MCPH1: variants seen among roughly 807,000 people sequenced by gnomAD.
The protein encoded by MCPH1 is microcephalin.
A neutral mutation model predicts 84.5 loss-of-function variants in MCPH1; 104 were observed. The ratio of observed to expected loss-of-function variants is 1.23; its 90% CI spans 1.05 to 1.45. The LOEUF is 1.45. MCPH1 is among the 40% of genes most tolerant of loss of function. MCPH1 has a pLI of 0.00. For missense variants in MCPH1, 1,498 were observed against 1,005.7 expected, an observed-to-expected ratio of 1.49 and a Z score of -6.62; for synonymous variants, 514 against 366.8, an observed-to-expected ratio of 1.40 and a Z score of -4.58.
At chr8:6,446,959 G>C (rs1434269250) in intron 8 of MCPH1, 1 of 985,390 alleles carries the variant, frequency 1.0e-6, no homozygotes, top group African/African-American at 1.7e-5. Flanking sequence ...AAGGCACCCT[G>C]GTGGGGACGG....
rs542963208 is a variant in MCPH1, at chr8:6,502,976, C to T, written c.2214+3047C>T. ...GGCTCTAATCTGGAGCATGTGGGTC[C>T]CGTCAGCACCGAGCACACGCCCTCT... On this transcript the variant is annotated intron_variant, in intron 12 of 13. Transcript: ENST00000344683. 8 of 1,106,984 alleles carry T rather than the reference C, an allele frequency of 7.2e-6. No homozygotes were observed. The African/African-American group carries it at 9.5e-5, about 13-fold the overall frequency. The allele number at this position is 1,106,984 out of a possible 1,614,324, so 68.6% of individuals were successfully genotyped here.
At chr8:6,543,536 G>A (rs1004364982) in intron 12 of MCPH1, among the ~76,000 whole-genome samples, 6 of 152,154 alleles carry the variant, frequency 3.9e-5, no homozygotes, top group South Asian at 2.1e-4. Context: ...GAATAAACCC[G>A]CCCAAACCAT....
At chr8:6,488,025 T>A (rs147358467) in intron 11 of MCPH1, among the ~76,000 whole-genome samples, 4 of 152,242 alleles carry the variant, frequency 2.6e-5, no homozygotes, top group Non-Finnish European at 5.9e-5. Context: ...TTATACTTTT[T>A]CCTGATTAAA....
intron 3 of MCPH1, among the ~76,000 whole-genome samples, chr8:6,416,812 G>A (rs1349415677): frequency 9.4e-6 from 1 of 106,668 alleles, no homozygotes; most frequent in East Asian, 3.1e-4. Context: ...TGATCAATAT[G>A]GTAAAACCCT....
At chr8:6,642,688 G>C (rs1451022662) in intron 13 of MCPH1, 1 of 455,942 alleles carries the variant, frequency 2.2e-6, no homozygotes, top group East Asian at 4.5e-5. Flanking sequence ...AGACTGGCAA[G>C]CTTCCCACCC....
At chr8:6,416,886 C>T (rs761757479) in intron 3 of MCPH1, among the ~76,000 whole-genome samples, 35 of 151,824 alleles carry the variant, frequency 2.3e-4, no homozygotes, top group Non-Finnish European at 4.4e-4. Context: ...CCCAGCTACT[C>T]GGGAGATTGA....
At chr8:6,446,504 GT>G in intron 8 of MCPH1, 1 of 984,130 alleles carries the variant, frequency 1.0e-6, no homozygotes, top group Non-Finnish European at 1.2e-6. Context: ...ATAATTTTAT[GT>G]TTTTGGCCTG....
chr8:6,526,257 T>TAAAAAAAAAAA (rs35519559), intron 12 of MCPH1, among the ~76,000 whole-genome samples: 23 of 77,496 alleles, frequency 3.0e-4, no homozygotes, highest in African/African-American at 9.3e-4. Flanking sequence ...TTGCCTCTAC[T>TAAAAAAAAAAA]AAAAAAAAAA....
chr8:6,574,373 A>T (rs1826895114), intron 12 of MCPH1, among the ~76,000 whole-genome samples: 2 of 151,816 alleles, frequency 1.3e-5, no homozygotes, highest in Non-Finnish European at 2.9e-5. Context: ...TTTTATAAAG[A>T]TGCAGTCACA....
At chr8:6,501,294 A>G (rs1457187082) in intron 12 of MCPH1, 1 of 152,230 alleles carries the variant, frequency 6.6e-6, no homozygotes, top group Non-Finnish European at 1.5e-5. Flanking sequence ...TTGAAATGGA[A>G]TAAAGAAAAA....
intron 11 of MCPH1, among the ~76,000 whole-genome samples, chr8:6,496,109 T>C (rs1349599867): frequency 6.6e-6 from 1 of 152,212 alleles, no homozygotes; most frequent in East Asian, 1.9e-4. Context: ...GAAGTAATTA[T>C]ACAACTCACT....
At chr8:6,612,591 T>C (rs1830380860) in intron 12 of MCPH1, among the ~76,000 whole-genome samples, 1 of 152,338 alleles carries the variant, frequency 6.6e-6, no homozygotes, top group African/African-American at 2.4e-5. Context: ...CCCCACTGCG[T>C]CCGGCACCGC....
intron 11 of MCPH1, among the ~76,000 whole-genome samples, chr8:6,492,844 T>C (rs1179236794): frequency 6.6e-6 from 1 of 151,992 alleles, no homozygotes; most frequent in East Asian, 1.9e-4. Context: ...TGTTAAATTA[T>C]TGTACTCTTG....
At chr8:6,584,173 A>G (rs762495131) in intron 12 of MCPH1, among the ~76,000 whole-genome samples, 2 of 152,200 alleles carry the variant, frequency 1.3e-5, no homozygotes, top group Admixed American at 6.5e-5. Flanking sequence ...CAAAAGTCAC[A>G]TATTGATTTC....
intron 13 of MCPH1, chr8:6,627,085 C>T (rs781052958): frequency 3.7e-4 from 360 of 985,340 alleles, no homozygotes; most frequent in Non-Finnish European, 4.0e-4. Flanking sequence ...GAAAAAGATC[C>T]GATAGCATGC....
chr8:6,630,206 C>G (rs2936511), intron 13 of MCPH1, among the ~76,000 whole-genome samples: 69,337 of 151,898 alleles, frequency 0.46, 16,481 homozygotes, highest in East Asian at 0.73. Flanking sequence ...AAAAAACTGA[C>G]TTCTTTGGCT....
intron 3 of MCPH1, among the ~76,000 whole-genome samples, chr8:6,422,737 G>A (rs756722044): frequency 2.0e-5 from 3 of 152,170 alleles, no homozygotes; most frequent in Non-Finnish European, 2.9e-5. Context: ...TGCCCAAGCT[G>A]GAGTGCAGTG....
intron 12 of MCPH1, chr8:6,507,908 T>C (rs1814108387): frequency 6.6e-6 from 1 of 152,188 alleles, no homozygotes; most frequent in African/African-American, 2.4e-5. Context: ...TCTAAAACTT[T>C]ATTCCTATGT....
At chr8:6,522,114 G>C (rs1817466051) in intron 12 of MCPH1, among the ~76,000 whole-genome samples, 1 of 152,206 alleles carries the variant, frequency 6.6e-6, no homozygotes, top group Non-Finnish European at 1.5e-5. Flanking sequence ...CCAGCACTTT[G>C]GGAGGCCGAG....
Sources: allele counts gnomAD v4.1 joint callset (sites outside exome capture counted in the v4.1 genomes callset), GRCh38; gene constraint gnomAD v4.1.1; transcripts MANE v1.5; gene names NCBI Gene and HGNC (gene_info 2026-07-23, HGNC 2026-07-21).